CSMD3: variants seen among roughly 807,000 people sequenced by gnomAD.
CSMD3 encodes CUB and Sushi multiple domains 3.
A neutral mutation model predicts 435.2 loss-of-function variants in CSMD3; 177 were observed. That is an observed-to-expected ratio of 0.41 (90% CI 0.36 to 0.46). The LOEUF (loss-of-function observed/expected upper bound fraction) is 0.46. Ranked by LOEUF, CSMD3 falls within the 20% of genes least tolerant of loss-of-function variation. The pLI, the probability that CSMD3 is intolerant of heterozygous loss-of-function variation, is 0.34. For missense variants in CSMD3, 4,265 were observed against 4,504.6 expected (o/e 0.95, Z 1.52); for synonymous variants, 1,656 against 1,520.5 (o/e 1.09, Z -2.07).
intron 5 of CSMD3, among the ~76,000 whole-genome samples, chr8:113,019,955 A>G (rs1392689574): frequency 2.6e-5 from 4 of 151,456 alleles, no homozygotes; most frequent in Non-Finnish European, 5.9e-5. Flanking sequence ...TGAGGTCAGG[A>G]GATCGAGACC....
chr8:112,561,897 A>T lies in CSMD3; in HGVS notation c.4043-4943T>A, dbSNP rs1034320060. On this transcript the variant is annotated intron_variant, in intron 24 of 70. Transcript: ENST00000297405. ...CAGGCATGCACACATGCGCACACTC[A>T]CACACACACAAACACATTGTATTCA... 6.6e-5 allele frequency among the ~76,000 whole-genome samples: 10 copies of T among 151,610 alleles called. No homozygotes were observed. The East Asian group carries it at 1.2e-3, about 18-fold the overall frequency.
chr8:112,301,859 C>T lies in CSMD3; in HGVS notation c.8374G>A (p.Val2792Met), dbSNP rs778443526. 1.2e-6 allele frequency: 2 copies of T among 1,613,888 alleles called. No individual in the cohort carries two copies. Among genetic ancestry groups the T allele is most frequent in the Non-Finnish European group, 8.5e-7 (1 of 1,179,836 alleles). The change falls in exon 53 of 71, where the codon GTG becomes ATG. Residue 2792 changes from valine (V) to methionine (M), a missense_variant. Physicochemically the swap from Val to Met is conservative, Grantham distance 21. Coordinates refer to ENST00000297405, the MANE Select transcript of CSMD3 (RefSeq NM_198123.2). ...AGGCATTCCCTTACAGCAGAGCCCA[C>T]AAGCATGAATCCCAAGTCGCAGGTA... is the stretch of plus-strand genomic sequence containing the variant. ...IFTCDLGFML[V>M]GSAVRECLSS...
chr8:112,362,661 G>T (rs965393113), intron 38 of CSMD3, among the ~76,000 whole-genome samples: 1 of 148,764 alleles, frequency 6.7e-6, no homozygotes, highest in African/African-American at 2.4e-5. Flanking sequence ...GACTCTTGAC[G>T]GAACAGGAGA....
In CSMD3 at chr8:112,881,108, G is replaced by A. The variant is rs150643201; in HGVS notation, c.1634-21842C>T. Among the ~76,000 whole-genome samples the A allele has an allele frequency of 2.2e-3, 338 of 152,054 alleles. 1 individual carries two copies. The highest frequency in any genetic ancestry group is 7.7e-3 in the African/African-American group (319 of 41,504). ...AACTATGATGCACTCAACTCTATGA[G>A]AATAATCACACAGTTGTGAACCAGG... On this transcript the variant is annotated intron_variant, in intron 10 of 70. Transcript: ENST00000297405.
At chr8:112,396,233 A>G (rs1318540493) in intron 35 of CSMD3, among the ~76,000 whole-genome samples, 1 of 152,196 alleles carries the variant, frequency 6.6e-6, no homozygotes, top group African/African-American at 2.4e-5. Flanking sequence ...GAATGTAGAA[A>G]GCAGTATTGT....
At chr8:112,828,259 G>T (rs1374309980) in intron 12 of CSMD3, among the ~76,000 whole-genome samples, 1 of 152,124 alleles carries the variant, frequency 6.6e-6, no homozygotes, top group African/African-American at 2.4e-5. Flanking sequence ...GAAGTGTTAA[G>T]AATGAAGTTA....
chr8:112,406,657 A>G lies in CSMD3; in HGVS notation c.5676T>C (p.Asn1892=), dbSNP rs772435702. The change falls in exon 35 of 71, where the codon AAT becomes AAC. Residue 1892 remains asparagine (N), a synonymous_variant. Coordinates refer to ENST00000297405, the MANE Select transcript of CSMD3 (RefSeq NM_198123.2). ...GAACCGATGAACCGACTGCAAATTCATTGCCAATTCTTCTTCCGAATCTTG... is the reference window on the plus strand; with the variant it reads ...GAACCGATGAACCGACTGCAAATTCGTTGCCAATTCTTCTTCCGAATCTTG... ...PEPRFGRRIG[N]EFAVGSSVLF... 5.0e-6 allele frequency: 8 copies of G among 1,612,462 alleles called. No individual in the cohort carries two copies. The Admixed American group carries it at 8.3e-5, about 17-fold the overall frequency.
chr8:112,934,020 A>G (rs2083200803), intron 9 of CSMD3, among the ~76,000 whole-genome samples: 1 of 152,046 alleles, frequency 6.6e-6, no homozygotes, highest in Non-Finnish European at 1.5e-5. Flanking sequence ...AAATTACATC[A>G]TATTCGTCCT....
chr8:112,558,087 CA>C (rs1828286839), intron 24 of CSMD3, among the ~76,000 whole-genome samples: 1 of 151,822 alleles, frequency 6.6e-6, no homozygotes, highest in Non-Finnish European at 1.5e-5. Context: ...GGCACTTTGG[CA>C]TGCTGAGTGC....
chr8:112,795,495 T>G (rs6469440), intron 13 of CSMD3, among the ~76,000 whole-genome samples: 58,224 of 151,960 alleles, frequency 0.38, 12,628 homozygotes, highest in African/African-American at 0.6. Context: ...CAAATATAAA[T>G]TCACTGCCAT....
At chr8:113,014,131 C>T (rs1372388062) in intron 6 of CSMD3, among the ~76,000 whole-genome samples, 1 of 152,058 alleles carries the variant, frequency 6.6e-6, no homozygotes, top group Non-Finnish European at 1.5e-5. Context: ...TCTCTGGAGC[C>T]AACAATTGTG....
intron 10 of CSMD3, among the ~76,000 whole-genome samples, chr8:112,861,929 A>G (rs939290178): frequency 6.6e-6 from 1 of 151,904 alleles, no homozygotes; most frequent in Non-Finnish European, 1.5e-5. Context: ...CATCTTTGTT[A>G]ACTCATAGTA....
At chr8:112,779,449 T>C (rs1033267962) in intron 13 of CSMD3, among the ~76,000 whole-genome samples, 9 of 152,002 alleles carry the variant, frequency 5.9e-5, no homozygotes, top group Non-Finnish European at 1.3e-4. Flanking sequence ...CCTATGAACT[T>C]TTTTCCCTTG....
chr8:112,545,503 ATAAT>A (rs1253623161), intron 27 of CSMD3, among the ~76,000 whole-genome samples: 23 of 114,874 alleles, frequency 2.0e-4, no homozygotes, highest in African/African-American at 5.6e-4. Flanking sequence ...AAAAAAAAAA[ATAAT>A]AATAATAATA....
chr8:112,951,056 T>G (rs2083790413), intron 8 of CSMD3, among the ~76,000 whole-genome samples: 1 of 151,900 alleles, frequency 6.6e-6, no homozygotes, highest in African/African-American at 2.4e-5. Context: ...AGCTTCTGTG[T>G]GGTACGTGTA....
At position 112,544,328 on chromosome 8, in the gene CSMD3, T is replaced by C. The variant is rs144449989; in HGVS notation, c.4564+6343A>G. On this transcript the variant is annotated intron_variant, in intron 27 of 70. Transcript: ENST00000297405. ...ATTTAATATATCAGGTACTTTAAAA[T>C]GATGAGGATGTATTTAATGCATTAT... 5.6e-3 allele frequency among the ~76,000 whole-genome samples: 851 copies of C among 152,258 alleles called. 3 individuals carry two copies. The highest frequency in any genetic ancestry group is 9.1e-3 in the Admixed American group (139 of 15,286).
chr8:112,720,725 T>C (rs1400514509), intron 13 of CSMD3, among the ~76,000 whole-genome samples: 2 of 152,158 alleles, frequency 1.3e-5, no homozygotes, highest in Non-Finnish European at 2.9e-5. Flanking sequence ...TCTGGCAATA[T>C]AAATAAACGA....
In CSMD3 at chr8:112,426,399, A is replaced by G. The variant is rs546834019; in HGVS notation, c.5396-17367T>C. On this transcript the variant is annotated intron_variant, in intron 32 of 70. Transcript: ENST00000297405. ...TTAATTATTTTACTGTTAAGTAAGA[A>G]AAGCTGAAACAACTGAATTATTCCA... Among the ~76,000 whole-genome samples, 8 of 151,812 alleles carry G rather than the reference A, an allele frequency of 5.3e-5. No individual in the cohort carries two copies. In the South Asian group the frequency reaches 1.7e-3, roughly 31 times the overall value.
At chr8:112,316,556 T>C (rs1019989698) in intron 47 of CSMD3, among the ~76,000 whole-genome samples, 1 of 151,812 alleles carries the variant, frequency 6.6e-6, no homozygotes, top group African/African-American at 2.4e-5. Flanking sequence ...GCAAGAAGCC[T>C]GACAGCCACC....
Sources: gnomAD v4.1 joint callset for allele counts (sites outside exome capture counted in the v4.1 genomes callset) on GRCh38, gnomAD v4.1.1 for gene constraint, MANE v1.5 for transcripts, NCBI Gene and HGNC (gene_info 2026-07-23, HGNC 2026-07-21) for gene names.